KIRREL3: variants seen among roughly 807,000 people sequenced by gnomAD.
KIRREL3 encodes the protein kin of IRRE-like protein 3.
In KIRREL3, 36 loss-of-function variants were observed where a neutral mutation model predicts 89.7. That is an observed-to-expected ratio of 0.40 (90% confidence interval 0.31 to 0.53). The LOEUF (loss-of-function observed/expected upper bound fraction) is 0.53. KIRREL3 is among the 20% of genes least tolerant of loss of function. KIRREL3 has a pLI of 0.49. For synonymous variants in KIRREL3, 445 were observed against 441.4 expected, an observed-to-expected ratio of 1.01 and a Z score of -0.10; for missense variants, 864 against 1,056.6, an observed-to-expected ratio of 0.82 and a Z score of 2.53.
intron 9 of KIRREL3, among the ~76,000 whole-genome samples, chr11:126,446,174 A>G (rs1250406179): frequency 1.2e-4 from 18 of 149,728 alleles, no homozygotes; most frequent in Admixed American, 1.2e-3. Flanking sequence ...AAAAAAATGG[A>G]ACACAGGAAA....
chr11:126,683,545 G>A lies in KIRREL3; in HGVS notation c.56-120633C>T, dbSNP rs1054922213. The stretch of plus-strand genomic sequence containing the variant: ...TTATCTGCAAAATGGGAAGAGTAAG[G>A]GCACCCATCTTGGAGGAGATTTGGC... On this transcript the variant is annotated intron_variant, in intron 1 of 16. Coordinates refer to ENST00000525144, the MANE Select transcript of KIRREL3 (RefSeq NM_032531.4). The surrounding 1 kb of genome is among the most constrained non-coding windows in gnomAD (Gnocchi z 5.2). 3.9e-5 allele frequency among the ~76,000 whole-genome samples: 6 copies of A among 152,162 alleles called. No homozygotes were observed. Among genetic ancestry groups the A allele is most frequent in the South Asian group, 2.1e-4 (1 of 4,820 alleles).
intron 1 of KIRREL3, among the ~76,000 whole-genome samples, chr11:126,774,297 G>A (rs539875300): frequency 6.6e-6 from 1 of 151,922 alleles, no homozygotes; most frequent in African/African-American, 2.4e-5. Flanking sequence ...CATTGCCGAA[G>A]AAGGGGGAAA....
chr11:126,857,280 T>G (rs984258354), intron 1 of KIRREL3, among the ~76,000 whole-genome samples: 1 of 152,230 alleles, frequency 6.6e-6, no homozygotes, highest in African/African-American at 2.4e-5. Flanking sequence ...CACCTGTGAC[T>G]GTGTGCTGTC....
rs1437586749 is a variant in KIRREL3, at chr11:126,805,233, A to G, written c.55+195222T>C. Among the ~76,000 whole-genome samples, 1 of 152,220 alleles carries G rather than the reference A, an allele frequency of 6.6e-6. No individual in the cohort carries two copies. Among genetic ancestry groups the G allele is most frequent in the Non-Finnish European group, 1.5e-5 (1 of 68,040 alleles). ...TACATGAAACAATGCAGTGATGACA[A>G]GTGTTCTAAAAACTATAGAGGACTT... is the stretch of plus-strand genomic sequence containing the variant. On this transcript the variant is annotated intron_variant, in intron 1 of 16. Coordinates refer to ENST00000525144, the MANE Select transcript of KIRREL3 (RefSeq NM_032531.4). This position sits in a 1 kb window ranked among gnomAD's most constrained non-coding sequence, Gnocchi z 4.3.
At position 126,566,318 on chromosome 11, in the gene KIRREL3, A is replaced by G. The variant is rs1940517358; in HGVS notation, c.56-3406T>C. 6.6e-6 allele frequency among the ~76,000 whole-genome samples: 1 copy of G among 152,206 alleles called. No homozygotes were observed. The highest frequency in any genetic ancestry group is 2.4e-5 in the African/African-American group (1 of 41,442). On this transcript the variant is annotated intron_variant, in intron 1 of 16. Transcript: ENST00000525144. The surrounding 1 kb of genome is among the most constrained non-coding windows in gnomAD (Gnocchi z 4.9). ...GTAGGGTATGTTTCTTAGGGAGAAG[A>G]TAAGTTTGCACCCTTGGGAACTCCT...
intron 12 of KIRREL3, 84 bp from the exon 13 acceptor site, chr11:126,435,387 G>A (rs1955286729): frequency 7.4e-7 from 1 of 1,343,008 alleles, no homozygotes; most frequent in African/African-American, 1.4e-5. Flanking sequence ...GCTTGAGCGG[G>A]GCTGGGTGAG....
At chr11:126,632,394 T>C (rs1369142085) in intron 1 of KIRREL3, among the ~76,000 whole-genome samples, 1 of 152,198 alleles carries the variant, frequency 6.6e-6, no homozygotes, top group Non-Finnish European at 1.5e-5. Flanking sequence ...TTTTGGTTTA[T>C]ACACACACAC....
At chr11:126,613,461 CCACTCTGCAA>C (rs2134805075) in intron 1 of KIRREL3, among the ~76,000 whole-genome samples, 1 of 152,150 alleles carries the variant, frequency 6.6e-6, no homozygotes, top group Non-Finnish European at 1.5e-5. Flanking sequence ...TTTTTTCCAC[CCACTCTGCAA>C]TCATTTGATT....
intron 1 of KIRREL3, among the ~76,000 whole-genome samples, chr11:126,986,633 C>A (rs1001109329): frequency 6.6e-6 from 1 of 152,146 alleles, no homozygotes; most frequent in African/African-American, 2.4e-5. Context: ...AGGAAGCACT[C>A]TTGATTTCTT....
Position 126,629,399 on chromosome 11 carries a change from G to T in KIRREL3, c.56-66487C>A, listed in dbSNP as rs114415949. Among the ~76,000 whole-genome samples, 992 of 152,204 alleles carry T rather than the reference G, an allele frequency of 6.5e-3. 14 individuals are homozygous for T. The highest frequency in any genetic ancestry group is 0.023 in the African/African-American group (943 of 41,542). On this transcript the variant is annotated intron_variant, in intron 1 of 16. Coordinates refer to ENST00000525144, the MANE Select transcript of KIRREL3 (RefSeq NM_032531.4). ...GAAGCTCTGGGGGGAGCTCTGGGGG[G>T]CCAGCTGGGAGACTTCTGGGCCAAA... is the stretch of plus-strand genomic sequence containing the variant.
Position 126,697,508 on chromosome 11 carries a change from C to CGACTGT in KIRREL3, c.56-134602_56-134597dup, listed in dbSNP as rs796876163. On this transcript the variant is annotated intron_variant, in intron 1 of 16. Coordinates refer to ENST00000525144, the MANE Select transcript of KIRREL3 (RefSeq NM_032531.4). The surrounding 1 kb of genome is among the most constrained non-coding windows in gnomAD (Gnocchi z 4.2). Reference sequence around the variant, plus strand: ...TCTACCTTTCCAGGGCTAAGTCCTACGACTGTGACACAACTGATGCTCAGT... The same window carrying CGACTGT: ...TCTACCTTTCCAGGGCTAAGTCCTACGACTGTGACTGTGACACAACTGATGCTCAGT... Among the ~76,000 whole-genome samples the CGACTGT allele has an allele frequency of 2.4e-4, 36 of 152,298 alleles. No homozygotes were observed. Among genetic ancestry groups the CGACTGT allele is most frequent in the African/African-American group, 7.9e-4 (33 of 41,568 alleles).
Position 126,608,276 on chromosome 11 carries a change from G to T in KIRREL3, c.56-45364C>A, listed in dbSNP as rs973342826. Among the ~76,000 whole-genome samples, 1 of 152,316 alleles carries T rather than the reference G, an allele frequency of 6.6e-6. No individual in the cohort carries two copies. Among genetic ancestry groups the T allele is most frequent in the African/African-American group, 2.4e-5 (1 of 41,570 alleles). ...GGAGCCTCCTATCCACCTGGCAGGC[G>T]TTTGGAACAACGTGCTGAATAACAG... On this transcript the variant is annotated intron_variant, in intron 1 of 16. Coordinates refer to ENST00000525144, the MANE Select transcript of KIRREL3 (RefSeq NM_032531.4). This position sits in a 1 kb window ranked among gnomAD's most constrained non-coding sequence, Gnocchi z 4.9.
At chr11:126,841,119 T>C (rs920608040) in intron 1 of KIRREL3, among the ~76,000 whole-genome samples, 2 of 152,166 alleles carry the variant, frequency 1.3e-5, no homozygotes, top group African/African-American at 4.8e-5. Context: ...GAACATAGTG[T>C]ATATAGGGTT....
At position 126,747,938 on chromosome 11, in the gene KIRREL3, C is replaced by T. The variant is rs538576298; in HGVS notation, c.56-185026G>A. On this transcript the variant is annotated intron_variant, in intron 1 of 16. Coordinates refer to ENST00000525144, the MANE Select transcript of KIRREL3 (RefSeq NM_032531.4). The surrounding 1 kb of genome is among the most constrained non-coding windows in gnomAD (Gnocchi z 4.7). ...TTCCCTATCCCACAGGGTCTAGATG[C>T]GGCCTTCCCAGGTGACTTTCTGCTC... Among the ~76,000 whole-genome samples the T allele has an allele frequency of 2.6e-5, 4 of 152,262 alleles. No individual in the cohort carries two copies. The highest frequency in any genetic ancestry group is 1.9e-4 in the East Asian group (1 of 5,170).
intron 1 of KIRREL3, among the ~76,000 whole-genome samples, chr11:126,798,008 T>C (rs1297793489): frequency 2.6e-5 from 4 of 152,170 alleles, no homozygotes; most frequent in Non-Finnish European, 5.9e-5. Context: ...AAGGCTCATA[T>C]CTTGGGGCCA....
chr11:126,941,761 C>T (rs1318572184), intron 1 of KIRREL3, among the ~76,000 whole-genome samples: 4 of 152,200 alleles, frequency 2.6e-5, no homozygotes, highest in Non-Finnish European at 4.4e-5. Flanking sequence ...AATCAGGGGC[C>T]GTGCCCTGGG....
At chr11:126,950,399 A>G (rs1426460419) in intron 1 of KIRREL3, among the ~76,000 whole-genome samples, 1 of 151,994 alleles carries the variant, frequency 6.6e-6, no homozygotes, top group Non-Finnish European at 1.5e-5. Context: ...ACAAACAAAC[A>G]AAACCAAAAA....
At position 126,523,453 on chromosome 11, in the gene KIRREL3, G is replaced by A. The variant is rs903591556; in HGVS notation, c.284-1989C>T. On this transcript the variant is annotated intron_variant, in intron 3 of 16. Coordinates refer to ENST00000525144, the MANE Select transcript of KIRREL3 (RefSeq NM_032531.4). The surrounding 1 kb of genome is among the most constrained non-coding windows in gnomAD (Gnocchi z 4.9). Reference sequence around the variant, plus strand: ...CCTGGCATGCTCTGGAGTGCTTCCTGTGCAGCTGGGCCCTTCAGACTCATG... The same window carrying A: ...CCTGGCATGCTCTGGAGTGCTTCCTATGCAGCTGGGCCCTTCAGACTCATG... Among the ~76,000 whole-genome samples, 6 of 152,154 alleles carry A rather than the reference G, an allele frequency of 3.9e-5. No individual in the cohort carries two copies. The highest frequency in any genetic ancestry group is 7.3e-5 in the Non-Finnish European group (5 of 68,036).
rs1418887060 is a variant in KIRREL3, at chr11:126,676,892, G to A, written c.56-113980C>T. ...CTCGATCTCCCAGGCTCAAGCGGTC[G>A]TCCTGCCTAAACCTCCCGAGTAGCT... On this transcript the variant is annotated intron_variant, in intron 1 of 16. Transcript: ENST00000525144. The surrounding 1 kb of genome is among the most constrained non-coding windows in gnomAD (Gnocchi z 4.5). Among the ~76,000 whole-genome samples, 5 of 151,440 alleles carry A rather than the reference G, an allele frequency of 3.3e-5. No homozygotes were observed. Among genetic ancestry groups the A allele is most frequent in the Admixed American group, 6.6e-5 (1 of 15,202 alleles).
Sources: gnomAD v4.1 joint callset for allele counts (sites outside exome capture counted in the v4.1 genomes callset) on GRCh38, gnomAD v4.1.1 for gene constraint, Gnocchi (gnomAD v3.1) non-coding constraint, MANE v1.5 for transcripts, NCBI Gene and HGNC (gene_info 2026-07-23, HGNC 2026-07-21) for gene names.